The following RSU1 variants were observed in gnomAD, a reference collection of about 807,000 sequenced individuals.
RSU1 encodes rsu-1.
RSU1 carries 26 observed loss-of-function variants against 31.1 expected under a neutral mutation model. That is an observed-to-expected ratio of 0.84 (90% CI 0.61 to 1.16). The LOEUF is 1.16. RSU1 is among the 50% of genes most tolerant of loss of function. RSU1 has a pLI of 0.00. For synonymous variants in RSU1, 164 were observed against 136.3 expected, an observed-to-expected ratio of 1.20 and a Z score of -1.41; for missense variants, 320 against 339.1, an observed-to-expected ratio of 0.94 and a Z score of 0.44.
intron 4 of RSU1, among the ~76,000 whole-genome samples, chr10:16,759,291 G>A (rs1406138554): frequency 6.6e-6 from 1 of 152,092 alleles, no homozygotes; most frequent in Non-Finnish European, 1.5e-5. Context: ...CTTAAGCTCA[G>A]GAGCTCGAGA....
intron 7 of RSU1, among the ~76,000 whole-genome samples, chr10:16,725,802 T>C (rs1440665847): frequency 6.8e-6 from 1 of 147,342 alleles, no homozygotes; most frequent in Non-Finnish European, 1.5e-5. Context: ...TCAAGTATTT[T>C]GTGAAACCAG....
intron 3 of RSU1, among the ~76,000 whole-genome samples, chr10:16,767,704 G>A (rs1837342013): frequency 6.6e-6 from 1 of 152,044 alleles, no homozygotes; most frequent in Non-Finnish European, 1.5e-5. Flanking sequence ...TTTAGAGAAT[G>A]CTGATTAGGT....
intron 8 of RSU1, among the ~76,000 whole-genome samples, chr10:16,670,646 C>G (rs917281872): frequency 6.6e-6 from 1 of 152,222 alleles, no homozygotes; most frequent in Non-Finnish European, 1.5e-5. Context: ...ACTTAAGGGT[C>G]TCCCAAAACC....
intron 7 of RSU1, among the ~76,000 whole-genome samples, chr10:16,733,860 G>A (rs1009449279): frequency 6.6e-6 from 1 of 152,154 alleles, no homozygotes; most frequent in Admixed American, 6.5e-5. Flanking sequence ...TTATAAAGTT[G>A]GGCAACTAAC....
Position 16,779,055 on chromosome 10 carries a change from G to A in RSU1, c.160+2979C>T, listed in dbSNP as rs142410840. On this transcript the variant is annotated intron_variant, in intron 3 of 8. Coordinates refer to ENST00000345264, the MANE Select transcript of RSU1 (RefSeq NM_012425.4). ...GCCCATTCATAGCAAAAAGGCAGAA[G>A]AAAAAAATTCACTTGCAACTATTCT... 7.6e-4 allele frequency among the ~76,000 whole-genome samples: 116 copies of A among 152,254 alleles called. 1 individual carries two copies. Among genetic ancestry groups the A allele is most frequent in the Admixed American group, 2.2e-3 (33 of 15,298 alleles).
At chr10:16,642,595 C>T (rs1024006088) in intron 8 of RSU1, among the ~76,000 whole-genome samples, 2 of 152,088 alleles carry the variant, frequency 1.3e-5, no homozygotes, top group African/African-American at 2.4e-5. Flanking sequence ...TCATGCTTGG[C>T]GTTATGTAAA....
intron 7 of RSU1, among the ~76,000 whole-genome samples, chr10:16,740,964 C>G (rs1836738272): frequency 6.6e-6 from 1 of 152,078 alleles, no homozygotes; most frequent in South Asian, 2.1e-4. Flanking sequence ...CAAGCTGATT[C>G]TAAAATTCAT....
chr10:16,786,991 C>A (rs936897890), intron 2 of RSU1, among the ~76,000 whole-genome samples: 1 of 152,060 alleles, frequency 6.6e-6, no homozygotes. Context: ...AGGTGCGGAT[C>A]GGATCGATGC....
In RSU1 at chr10:16,782,017, T is replaced by C; in HGVS notation, c.160+17A>G. The C allele has an allele frequency of 6.2e-7, 1 of 1,609,106 alleles. No homozygotes were observed. Among genetic ancestry groups the C allele is most frequent in the Non-Finnish European group, 8.5e-7 (1 of 1,176,612 alleles). On this transcript the variant is annotated intron_variant, in intron 3 of 8. Coordinates refer to ENST00000345264, the MANE Select transcript of RSU1 (RefSeq NM_012425.4). Reference sequence around the variant, plus strand: ...CCTAAATGTCAGAAACTGTAACAAATGAGAAACATCACTTACTTGTTAGCT... The same window carrying C: ...CCTAAATGTCAGAAACTGTAACAAACGAGAAACATCACTTACTTGTTAGCT...
chr10:16,700,690 G>C (rs1023089673), intron 7 of RSU1, among the ~76,000 whole-genome samples: 1 of 152,210 alleles, frequency 6.6e-6, no homozygotes, highest in Non-Finnish European at 1.5e-5. Flanking sequence ...ACACTTTACT[G>C]AGTGGAAAAT....
At chr10:16,636,625 G>A (rs917230643) in intron 8 of RSU1, among the ~76,000 whole-genome samples, 7 of 152,022 alleles carry the variant, frequency 4.6e-5, no homozygotes, top group African/African-American at 9.7e-5. Context: ...CCAGGCTTTC[G>A]GGTCTCCTTG....
intron 7 of RSU1, among the ~76,000 whole-genome samples, chr10:16,751,963 G>A (rs563399332): frequency 6.6e-6 from 1 of 152,234 alleles, no homozygotes; most frequent in African/African-American, 2.4e-5. Context: ...AGAGAAACAG[G>A]ATTAGGATTC....
At chr10:16,808,450 T>G (rs1416804934) in intron 2 of RSU1, among the ~76,000 whole-genome samples, 20 of 140,068 alleles carry the variant, frequency 1.4e-4, no homozygotes, top group African/African-American at 5.2e-4. Context: ...GCCACTGCAC[T>G]CTAGCCTGGG....
At chr10:16,805,053 T>G (rs1422014405) in intron 2 of RSU1, among the ~76,000 whole-genome samples, 12 of 151,956 alleles carry the variant, frequency 7.9e-5, no homozygotes, top group Non-Finnish European at 2.9e-5. Context: ...AAAAAAAAAT[T>G]TGCCGGGTGT....
chr10:16,661,287 C>CGTGTGTGTGTGTGTGTGTGTGTGT (rs56675037), intron 8 of RSU1, among the ~76,000 whole-genome samples: 1 of 132,830 alleles, frequency 7.5e-6, no homozygotes, highest in Non-Finnish European at 1.6e-5. Flanking sequence ...GTAGAGAGTG[C>CGTGTGTGTGTGTGTGTGTGTGTGT]GTGTGTGTGT....
chr10:16,805,537 G>C (rs1020939063), intron 2 of RSU1, among the ~76,000 whole-genome samples: 10 of 151,696 alleles, frequency 6.6e-5, no homozygotes, highest in Non-Finnish European at 8.9e-5. Flanking sequence ...TTAGCCAGGC[G>C]TTGTGGCGGG....
At chr10:16,685,422 G>T (rs1835423901) in intron 8 of RSU1, among the ~76,000 whole-genome samples, 1 of 152,154 alleles carries the variant, frequency 6.6e-6, no homozygotes, top group Non-Finnish European at 1.5e-5. Context: ...TAAAACAATG[G>T]CTACTCCACA....
chr10:16,590,982 G>C lies in RSU1; in HGVS notation c.*2412C>G, dbSNP rs1042630437. 1 of 152,152 alleles carries C rather than the reference G, an allele frequency of 6.6e-6. No homozygotes were observed. The highest frequency in any genetic ancestry group is 1.5e-5 in the Non-Finnish European group (1 of 68,040). 9.4% of individuals were successfully genotyped at this position (152,152 alleles called of 1,614,324 possible). The stretch of plus-strand genomic sequence containing the variant: ...GCTGGAGTGCGGTGGCTTAATCTCA[G>C]CTCAGTGCAACCTCTGCCTCCCGGG... On this transcript the variant is annotated 3_prime_UTR_variant, in exon 9 of 9. Transcript: ENST00000345264.
intron 7 of RSU1, among the ~76,000 whole-genome samples, chr10:16,737,559 TAA>T (rs1588503627): frequency 6.6e-6 from 1 of 151,974 alleles, no homozygotes; most frequent in East Asian, 1.9e-4. Context: ...AAACAAAAGC[TAA>T]TTAATGACCA....
Sources: allele counts gnomAD v4.1 joint callset (sites outside exome capture counted in the v4.1 genomes callset), GRCh38; gene constraint gnomAD v4.1.1; transcripts MANE v1.5; gene names NCBI Gene and HGNC (gene_info 2026-07-23, HGNC 2026-07-21).